The following DAB1 variants were observed in gnomAD, a reference collection of about 807,000 sequenced individuals.
The protein encoded by DAB1 is DAB adaptor protein 1.
Under a neutral mutation model 64.6 loss-of-function variants are expected in DAB1, and 15 were observed. The observed-to-expected ratio is 0.23, with a 90% CI of 0.16 to 0.36. The LOEUF (loss-of-function observed/expected upper bound fraction) is 0.36. Ranked by LOEUF, DAB1 falls within the 10% of genes least tolerant of loss-of-function variation. The probability of loss-of-function intolerance (pLI) is 1.00; values close to 1 mark genes in which losing one functional copy is unlikely to be tolerated. For missense variants in DAB1, 596 were observed against 706.7 expected (o/e 0.84, Z 1.78); for synonymous variants, 235 against 251.9 (o/e 0.93, Z 0.64).
intron 1 of DAB1, among the ~76,000 whole-genome samples, chr1:57,343,712 G>A (rs1030253983): frequency 6.6e-6 from 1 of 152,208 alleles, no homozygotes; most frequent in Non-Finnish European, 1.5e-5. Flanking sequence ...TGTGGGGTCC[G>A]CGGAGCCCAC....
intron 7 of DAB1, among the ~76,000 whole-genome samples, chr1:57,557,469 T>G (rs1645003377): frequency 6.6e-6 from 1 of 151,696 alleles, no homozygotes; most frequent in Non-Finnish European, 1.5e-5. Flanking sequence ...TATGTGTGTG[T>G]GTATATATAT....
chr1:58,130,918 A>G (rs1254730835), intron 5 of DAB1, among the ~76,000 whole-genome samples: 1 of 150,928 alleles, frequency 6.6e-6, no homozygotes, highest in Non-Finnish European at 1.5e-5. Flanking sequence ...ACTTTGGTGA[A>G]TCTGACAATT....
intron 3 of DAB1, among the ~76,000 whole-genome samples, chr1:58,492,957 C>G (rs963169704): frequency 2.6e-5 from 4 of 151,892 alleles, no homozygotes; most frequent in African/African-American, 9.7e-5. Context: ...GGCAGAGACA[C>G]AACAAAAAAA....
chr1:57,636,975 T>TA (rs1027391179), intron 7 of DAB1, among the ~76,000 whole-genome samples: 36 of 152,258 alleles, frequency 2.4e-4, no homozygotes, highest in African/African-American at 8.4e-4. Flanking sequence ...TCATAAAAAT[T>TA]AAAAAAGTTA....
chr1:57,044,809 G>A (rs1648256600), intron 9 of DAB1, among the ~76,000 whole-genome samples: 1 of 152,152 alleles, frequency 6.6e-6, no homozygotes, highest in Non-Finnish European at 1.5e-5. Flanking sequence ...GGAAGGAATG[G>A]GTCACAGGGT....
chr1:58,199,182 G>C (rs1657863042), intron 4 of DAB1, among the ~76,000 whole-genome samples: 1 of 152,136 alleles, frequency 6.6e-6, no homozygotes, highest in Admixed American at 6.5e-5. Context: ...TATGGAAAGA[G>C]GCAGCCTCAA....
chr1:57,610,527 C>T (rs1180709212), intron 7 of DAB1, among the ~76,000 whole-genome samples: 1 of 152,200 alleles, frequency 6.6e-6, no homozygotes, highest in Non-Finnish European at 1.5e-5. Context: ...CAAAACTACA[C>T]TGCCTTTGTA....
intron 6 of DAB1, among the ~76,000 whole-genome samples, chr1:57,798,204 G>GA (rs1650959753): frequency 6.6e-6 from 1 of 152,124 alleles, no homozygotes; most frequent in African/African-American, 2.4e-5. Flanking sequence ...TTTCCACTCT[G>GA]AAAAAAGAGT....
At chr1:57,092,377 C>A (rs1281728564) in intron 4 of DAB1, among the ~76,000 whole-genome samples, 1 of 151,950 alleles carries the variant, frequency 6.6e-6, no homozygotes, top group African/African-American at 2.4e-5. Flanking sequence ...GAGGGAGGGA[C>A]CTGGTAGGAA....
rs144071146 is a variant in DAB1 at position 57,297,870 on chromosome 1, A to G, written c.-136-6704T>C. On this transcript the variant is annotated intron_variant, in intron 1 of 14. Transcript: ENST00000371236. ...TTTTATGGCTGCCAGTTCTGATTCC[A>G]CCTCCACCCCTGTAACTCCCCAGAC... Among the ~76,000 whole-genome samples, 869 of 152,098 alleles carry G rather than the reference A, an allele frequency of 5.7e-3. 20 individuals are homozygous for G. The highest frequency in any genetic ancestry group is 0.02 in the African/African-American group (842 of 41,498).
intron 7 of DAB1, among the ~76,000 whole-genome samples, chr1:57,586,708 A>T (rs1645385114): frequency 6.6e-6 from 1 of 150,446 alleles, no homozygotes. Context: ...AGCAGAGTGC[A>T]TTTTTTCCTA....
At chr1:58,418,592 A>G (rs1263438414) in intron 3 of DAB1, among the ~76,000 whole-genome samples, 1 of 152,150 alleles carries the variant, frequency 6.6e-6, no homozygotes, top group Non-Finnish European at 1.5e-5. Context: ...CAGGAGATTG[A>G]TAAGTGAGCA....
At chr1:58,440,132 G>A (rs1408270915) in intron 3 of DAB1, among the ~76,000 whole-genome samples, 1 of 152,224 alleles carries the variant, frequency 6.6e-6, no homozygotes, top group Admixed American at 6.5e-5. Flanking sequence ...GAGGAGAAGA[G>A]AATTGCCTGG....
At chr1:57,910,575 G>A (rs1202802) in intron 5 of DAB1, among the ~76,000 whole-genome samples, 96,765 of 152,090 alleles carry the variant, frequency 0.64, 31,143 homozygotes, top group African/African-American at 0.73. Flanking sequence ...AAGTGTTAGG[G>A]AAAGGTCAGG....
intron 4 of DAB1, among the ~76,000 whole-genome samples, chr1:57,120,826 T>C (rs1381087883): frequency 1.3e-5 from 2 of 152,288 alleles, no homozygotes; most frequent in South Asian, 2.1e-4. Flanking sequence ...CCATTGCATG[T>C]GTATAGCACA....
chr1:57,519,283 G>C (rs1005277912), intron 7 of DAB1, among the ~76,000 whole-genome samples: 5 of 152,154 alleles, frequency 3.3e-5, no homozygotes, highest in African/African-American at 9.7e-5. Flanking sequence ...CCTGTCCAAA[G>C]TCACATGACA....
chr1:58,346,523 G>A (rs947213675), intron 3 of DAB1, among the ~76,000 whole-genome samples: 2 of 152,176 alleles, frequency 1.3e-5, no homozygotes, highest in African/African-American at 4.8e-5. Context: ...GGACAAAAAT[G>A]GAGTTTCTCT....
At chr1:58,279,367 C>T (rs1319251655) in intron 4 of DAB1, among the ~76,000 whole-genome samples, 5 of 152,180 alleles carry the variant, frequency 3.3e-5, no homozygotes, top group African/African-American at 4.8e-5. Context: ...GAACACATAG[C>T]TTATAAACAC....
chr1:58,107,366 GAGGCT>G (rs1357880892), intron 5 of DAB1, among the ~76,000 whole-genome samples: 1 of 150,992 alleles, frequency 6.6e-6, no homozygotes, highest in Non-Finnish European at 1.5e-5. Context: ...CGCTACTCGG[GAGGCT>G]GAAGCAGGAG....
Sources: gnomAD v4.1 joint callset for allele counts (sites outside exome capture counted in the v4.1 genomes callset) on GRCh38, gnomAD v4.1.1 for gene constraint, MANE v1.5 for transcripts, NCBI Gene and HGNC (gene_info 2026-07-23, HGNC 2026-07-21) for gene names.